The following WWC2 variants were observed in gnomAD, a reference collection of about 807,000 sequenced individuals.
WWC2 encodes the protein protein WWC2.
Under a neutral mutation model 138.5 loss-of-function variants are expected in WWC2, and 101 were observed. That is an observed-to-expected ratio of 0.73 (90% confidence interval 0.62 to 0.86). The LOEUF (loss-of-function observed/expected upper bound fraction) is 0.86. Among genes scored for constraint, WWC2 ranks in the 40% least tolerant of loss-of-function variants. WWC2 has a pLI of 0.00. For synonymous variants in WWC2, 558 were observed against 538.4 expected, an observed-to-expected ratio of 1.04 and a Z score of -0.50; for missense variants, 1,420 against 1,419.4, an observed-to-expected ratio of 1.00 and a Z score of -0.01.
intron 1 of WWC2, among the ~76,000 whole-genome samples, chr4:183,185,651 G>A (rs1438671632): frequency 6.6e-6 from 1 of 152,110 alleles, no homozygotes; most frequent in African/African-American, 2.4e-5. Context: ...CCAACATTGT[G>A]AAGGTTTTTA....
intron 1 of WWC2, among the ~76,000 whole-genome samples, chr4:183,130,022 A>G (rs1349050674): frequency 6.8e-6 from 1 of 147,894 alleles, no homozygotes; most frequent in South Asian, 2.1e-4. Context: ...GTATGCTCTT[A>G]TTTGGTATAA....
rs1410676901 is a variant in WWC2 at position 183,245,597 on chromosome 4, A to G, written c.732+52A>G. The G allele has an allele frequency of 6.7e-6, 10 of 1,492,152 alleles. No homozygotes were observed. In the East Asian group the frequency reaches 2.0e-4, roughly 30 times the overall value. The allele number at this position is 1,492,152 out of a possible 1,614,324, so 92.4% of individuals were successfully genotyped here. On this transcript the variant is annotated intron_variant, in intron 6 of 22. Transcript: ENST00000403733. ...CAAACTTCTACCTTCTGAGGCCCCCAGAAACTCTTACTGGGGCAGAAGTGC... is the reference window on the plus strand; with the variant it reads ...CAAACTTCTACCTTCTGAGGCCCCCGGAAACTCTTACTGGGGCAGAAGTGC...
At chr4:183,137,313 C>T (rs1733150859) in intron 1 of WWC2, among the ~76,000 whole-genome samples, 1 of 152,094 alleles carries the variant, frequency 6.6e-6, no homozygotes, top group Non-Finnish European at 1.5e-5. Flanking sequence ...ACACATTGTA[C>T]ACCTGTTCAA....
intron 1 of WWC2, among the ~76,000 whole-genome samples, chr4:183,191,145 A>G (rs1477235214): frequency 6.6e-6 from 1 of 152,130 alleles, no homozygotes; most frequent in Non-Finnish European, 1.5e-5. Context: ...CCATGTATGT[A>G]GACAAGGAGG....
At chr4:183,180,693 A>G (rs1734606624) in intron 1 of WWC2, among the ~76,000 whole-genome samples, 1 of 152,164 alleles carries the variant, frequency 6.6e-6, no homozygotes, top group Admixed American at 6.6e-5. Flanking sequence ...AACATTATAT[A>G]TCTTGAAAAC....
At chr4:183,213,273 T>TG (rs1162503072) in intron 4 of WWC2, among the ~76,000 whole-genome samples, 1 of 152,234 alleles carries the variant, frequency 6.6e-6, no homozygotes, top group Non-Finnish European at 1.5e-5. Context: ...CAGAAGTGGA[T>TG]GGGTAACTTG....
chr4:183,134,019 G>A (rs539788153), intron 1 of WWC2, among the ~76,000 whole-genome samples: 1 of 151,742 alleles, frequency 6.6e-6, no homozygotes, highest in Admixed American at 6.6e-5. Flanking sequence ...TCTTGATTCT[G>A]TTTTTTTCAG....
intron 1 of WWC2, among the ~76,000 whole-genome samples, chr4:183,122,419 A>G (rs1254824223): frequency 2.0e-5 from 3 of 152,242 alleles, no homozygotes; most frequent in Non-Finnish European, 2.9e-5. Context: ...TTACAATAAA[A>G]TTAAAACTCT....
intron 5 of WWC2, among the ~76,000 whole-genome samples, chr4:183,244,789 A>G (rs994970039): frequency 6.6e-6 from 1 of 152,110 alleles, no homozygotes; most frequent in African/African-American, 2.4e-5. Flanking sequence ...CAGCTAAAGC[A>G]TTTGCCCACG....
rs1358127442 is a variant in WWC2 at position 183,245,406 on chromosome 4, CTT to C, written c.603-7_603-6del. On this transcript the variant is annotated splice_region_variant and splice_polypyrimidine_tract_variant and intron_variant, in intron 5 of 22. Transcript: ENST00000403733. The stretch of plus-strand genomic sequence containing the variant: ...TTTGATATTTTTTCTTTCTTTTTCT[CTT>C]TTCACAGAATTGATAAAAAAATGTC... 6.6e-7 allele frequency: 1 copy of C among 1,523,588 alleles called. No homozygotes were observed. The highest frequency in any genetic ancestry group is 1.3e-5 in the South Asian group (1 of 77,038). The allele number at this position is 1,523,588 out of a possible 1,614,324, so 94.4% of individuals were successfully genotyped here.
At chr4:183,204,487 C>G (rs765449614) in intron 2 of WWC2, among the ~76,000 whole-genome samples, 1 of 152,304 alleles carries the variant, frequency 6.6e-6, no homozygotes, top group East Asian at 1.9e-4. Context: ...AACCAGTGCT[C>G]TTTTCAACAG....
chr4:183,303,385 C>A (rs115897339), intron 21 of WWC2, among the ~76,000 whole-genome samples: 2,811 of 152,276 alleles, frequency 0.018, 45 homozygotes, highest in East Asian at 0.083. Flanking sequence ...GTAAACATCT[C>A]AGCCACCAAG....
chr4:183,100,185 C>T (rs1025246252), intron 1 of WWC2, among the ~76,000 whole-genome samples: 3 of 152,220 alleles, frequency 2.0e-5, no homozygotes, highest in African/African-American at 7.2e-5. Flanking sequence ...CTTTGCCCCT[C>T]AGAGTTTAAA....
At position 183,320,397 on chromosome 4, in the gene WWC2, A is replaced by G; in HGVS notation, c.*4668A>G. On this transcript the variant is annotated 3_prime_UTR_variant, in exon 23 of 23. Transcript: ENST00000403733. ...CATGTTGAATGGGTTTCACAAAAGGATAGGGAAATAATGCCGCCAACCAGT... is the reference window on the plus strand; with the variant it reads ...CATGTTGAATGGGTTTCACAAAAGGGTAGGGAAATAATGCCGCCAACCAGT... The G allele has an allele frequency of 3.0e-6, 2 of 660,178 alleles. No homozygotes were observed. The highest frequency in any genetic ancestry group is 5.2e-6 in the Non-Finnish European group (2 of 385,772). The allele number at this position is 660,178 out of a possible 1,614,324, so 40.9% of individuals were successfully genotyped here. A position where few individuals can be genotyped will look rare whatever the true frequency, so the allele number is the denominator to read the frequency against.
chr4:183,311,795 T>G (rs556974796), intron 21 of WWC2, among the ~76,000 whole-genome samples: 1 of 152,128 alleles, frequency 6.6e-6, no homozygotes, highest in South Asian at 2.1e-4. Flanking sequence ...GCCAGGATGG[T>G]CTCGATCTCC....
At chr4:183,225,951 C>T (rs1736058098) in intron 4 of WWC2, among the ~76,000 whole-genome samples, 1 of 152,102 alleles carries the variant, frequency 6.6e-6, no homozygotes, top group South Asian at 2.1e-4. Context: ...TAACCACATG[C>T]TAGTCATAAA....
At chr4:183,198,335 C>T (rs1735200262) in intron 2 of WWC2, among the ~76,000 whole-genome samples, 2 of 152,078 alleles carry the variant, frequency 1.3e-5, no homozygotes, top group African/African-American at 4.8e-5. Flanking sequence ...GACGTGTATC[C>T]TTCCAGACTT....
intron 8 of WWC2, among the ~76,000 whole-genome samples, chr4:183,252,281 AC>A (rs1431839280): frequency 1.2e-4 from 18 of 152,314 alleles, no homozygotes; most frequent in Non-Finnish European, 2.1e-4. Context: ...TAATCATCCA[AC>A]GTTTTTCTGT....
At chr4:183,264,087 G>T (rs912285720) in intron 11 of WWC2, among the ~76,000 whole-genome samples, 1 of 152,174 alleles carries the variant, frequency 6.6e-6, no homozygotes, top group Non-Finnish European at 1.5e-5. Flanking sequence ...TTCACAAAGG[G>T]GGGTGGGCGG....
Sources: allele counts gnomAD v4.1 joint callset (sites outside exome capture counted in the v4.1 genomes callset), GRCh38; gene constraint gnomAD v4.1.1; transcripts MANE v1.5; gene names NCBI Gene and HGNC (gene_info 2026-07-23, HGNC 2026-07-21).